Variants in SHOX2 observed in about 807,000 individuals in gnomAD.
SHOX2 encodes short stature homeobox protein 2.
SHOX2 carries 13 observed loss-of-function variants against 31.3 expected under a neutral mutation model. The ratio of observed to expected loss-of-function variants is 0.42; its 90% confidence interval spans 0.27 to 0.66. SHOX2 has a LOEUF of 0.66. Ranked by LOEUF, SHOX2 falls within the 30% of genes least tolerant of loss-of-function variation. The probability of loss-of-function intolerance (pLI) is 0.27; values close to 1 mark genes in which losing one functional copy is unlikely to be tolerated. For synonymous variants in SHOX2, 244 were observed against 196.2 expected, an observed-to-expected ratio of 1.24 and a Z score of -2.04; for missense variants, 473 against 443.0, an observed-to-expected ratio of 1.07 and a Z score of -0.61.
Position 158,106,256 on chromosome 3 carries a change from G to T in SHOX2, c.-232C>A. On this transcript the variant is annotated 5_prime_UTR_variant, in exon 1 of 5. Transcript: ENST00000483851. ...AAGAAGAGGAGGAGGAGGAAGAAGAGGAAGAGGGGGAGAAGGGTGAAGAGG... is the reference window on the plus strand; with the variant it reads ...AAGAAGAGGAGGAGGAGGAAGAAGATGAAGAGGGGGAGAAGGGTGAAGAGG... 1 of 602,932 alleles carries T rather than the reference G, an allele frequency of 1.7e-6. No individual in the cohort carries two copies. Among genetic ancestry groups the T allele is most frequent in the Non-Finnish European group, 2.7e-6 (1 of 370,090 alleles). 37.3% of individuals were successfully genotyped at this position (602,932 alleles called of 1,614,324 possible). A position where few individuals can be genotyped will look rare whatever the true frequency, so the allele number is the denominator to read the frequency against.
chr3:158,097,971 A>G lies in SHOX2; in HGVS notation c.*56T>C, dbSNP rs1713228589. On this transcript the variant is annotated 3_prime_UTR_variant, in exon 5 of 5. Coordinates refer to ENST00000483851, the MANE Select transcript of SHOX2 (RefSeq NM_001163678.2). Reference sequence around the variant, plus strand: ...GTAACGGAGAAGCAGCGGGGCGCGGAGGGCGTGCAGGCTGAGTGCCGCGGG... The same window carrying G: ...GTAACGGAGAAGCAGCGGGGCGCGGGGGGCGTGCAGGCTGAGTGCCGCGGG... 2 of 1,536,340 alleles carry G rather than the reference A, an allele frequency of 1.3e-6. No homozygotes were observed. The highest frequency in any genetic ancestry group is 1.8e-6 in the Non-Finnish European group (2 of 1,142,436).
chr3:158,099,336 C>A (rs1402624823), intron 4 of SHOX2, among the ~76,000 whole-genome samples: 1 of 152,150 alleles, frequency 6.6e-6, no homozygotes, highest in African/African-American at 2.4e-5. Flanking sequence ...CTGGGAAGAC[C>A]AAGACTTCTC....
intron 1 of SHOX2, chr3:158,105,343 A>C: frequency 1.7e-6 from 1 of 587,002 alleles, no homozygotes; most frequent in East Asian, 2.9e-5. Context: ...GGCCCCGCGA[A>C]CTTCCACGTC....
At chr3:158,105,023 T>TCCCCACC in intron 1 of SHOX2, 1 of 204,908 alleles carries the variant, frequency 4.9e-6, no homozygotes, top group Non-Finnish European at 9.0e-6. Context: ...GATCCCCACC[T>TCCCCACC]CCCCCGCCGC....
chr3:158,101,184 T>G (rs1713464435), intron 2 of SHOX2, among the ~76,000 whole-genome samples: 1 of 152,252 alleles, frequency 6.6e-6, no homozygotes. Flanking sequence ...GCATATTGAT[T>G]GACTCACAAA....
Position 158,105,673 on chromosome 3 carries a change from C to A in SHOX2, c.346+6G>T. ...AACCGCTGCCGGGGGTCAGTCAGGTCGTTACCCTCCGTCAGTCGCGGGCTG... is the reference window on the plus strand; with the variant it reads ...AACCGCTGCCGGGGGTCAGTCAGGTAGTTACCCTCCGTCAGTCGCGGGCTG... On this transcript the variant is annotated splice_donor_region_variant and intron_variant, in intron 1 of 4. Transcript: ENST00000483851. 1 of 1,522,560 alleles carries A rather than the reference C, an allele frequency of 6.6e-7. No individual in the cohort carries two copies. The highest frequency in any genetic ancestry group is 8.8e-7 in the Non-Finnish European group (1 of 1,137,126). 94.3% of individuals were successfully genotyped at this position (1,522,560 alleles called of 1,614,324 possible).
In SHOX2 at chr3:158,100,328, G is replaced by GA. The variant is rs765995174; in HGVS notation, c.556-18dup. On this transcript the variant is annotated splice_polypyrimidine_tract_variant and intron_variant, in intron 2 of 4. Coordinates refer to ENST00000483851, the MANE Select transcript of SHOX2 (RefSeq NM_001163678.2). ...AAACCAAACCTATAGGTTGGAGGGG[G>GA]AAAAAAAATAAAACCTAGATGTTAT... The GA allele has an allele frequency of 2.0e-5, 32 of 1,563,630 alleles. No individual in the cohort carries two copies. Among genetic ancestry groups the GA allele is most frequent in the Admixed American group, 1.1e-4 (5 of 46,652 alleles).
chr3:158,097,744 T>C lies in SHOX2; in HGVS notation c.*283A>G. On this transcript the variant is annotated 3_prime_UTR_variant, in exon 5 of 5. Coordinates refer to ENST00000483851, the MANE Select transcript of SHOX2 (RefSeq NM_001163678.2). ...TTCCAGCACTCCCCTGTCCAGTCTC[T>C]CTCCAGACTCCCCCAAACCCGCTCC... 2.2e-6 allele frequency: 1 copy of C among 459,496 alleles called. No homozygotes were observed. The highest frequency in any genetic ancestry group is 3.9e-6 in the Non-Finnish European group (1 of 256,704). The allele number at this position is 459,496 out of a possible 1,614,324, so 28.5% of individuals were successfully genotyped here.
intron 2 of SHOX2, among the ~76,000 whole-genome samples, chr3:158,101,389 T>C (rs1713479954): frequency 1.3e-5 from 2 of 152,228 alleles, no homozygotes; most frequent in Admixed American, 6.5e-5. Context: ...TGCCTTTTTT[T>C]CCCCTAGAAG....
chr3:158,105,814 C>T lies in SHOX2; in HGVS notation c.211G>A (p.Gly71Ser), dbSNP rs925657091. Reference protein sequence around the residue: ...GGGGGGGGGGGGGGGGGVGGG... With the variant: ...GGGGGGGGGGSGGGGGGVGGG... ...CCTACACCTCCTCCGCCTCCTCCGCCGCCGCCTCCGCCTCCTCCGCCGCCG... is the reference window on the plus strand; with the variant it reads ...CCTACACCTCCTCCGCCTCCTCCGCTGCCGCCTCCGCCTCCTCCGCCGCCG... The change falls in exon 1 of 5, where the codon GGC (glycine) becomes AGC (serine). Residue 71 changes from glycine to serine, a missense_variant. This residue lies in a region of SHOX2 where 276 missense variants were observed against 230.0 expected (regional missense o/e 1.20). Coordinates refer to ENST00000483851, the MANE Select transcript of SHOX2 (RefSeq NM_001163678.2). 6.8e-7 allele frequency: 1 copy of T among 1,460,806 alleles called. No homozygotes were observed. Among genetic ancestry groups the T allele is most frequent in the South Asian group, 1.3e-5 (1 of 75,446 alleles). 90.5% of individuals were successfully genotyped at this position (1,460,806 alleles called of 1,614,324 possible).
At chr3:158,105,097 C>T (rs1428664489) in intron 1 of SHOX2, 19 of 1,485,788 alleles carry the variant, frequency 1.3e-5, no homozygotes, top group East Asian at 2.8e-5. Context: ...AGCAGCGTAG[C>T]CTGGACCTCA....
intron 4 of SHOX2, among the ~76,000 whole-genome samples, chr3:158,099,620 C>T (rs959091445): frequency 1.3e-5 from 2 of 152,180 alleles, no homozygotes; most frequent in Non-Finnish European, 2.9e-5. Flanking sequence ...TTTTAAAGGA[C>T]CAGTTACTGC....
Position 158,102,850 on chromosome 3 carries a change from T to C in SHOX2, c.383A>G (p.Lys128Arg). Residue 128 changes from lysine (K) to arginine (R), a missense_variant, in exon 2 of 5, where the codon AAA (lysine) becomes AGA (arginine). Transcript: ENST00000483851. ...PELKDRKEDA[K>R]GMEDEGQTKI... ...GGTCTGGCCTTCGTCCTCCATCCCT[T>C]TCGCATCCTCTTTGCGATCTTTCAG... 6.2e-7 allele frequency: 1 copy of C among 1,613,972 alleles called. No individual in the cohort carries two copies. Among genetic ancestry groups the C allele is most frequent in the African/African-American group, 1.3e-5 (1 of 74,954 alleles).
At chr3:158,105,545 C>T in intron 1 of SHOX2, 134 bp downstream of exon 1, 1 of 767,968 alleles carries the variant, frequency 1.3e-6, no homozygotes. Context: ...ATCACTCTAG[C>T]TGACAAAGCT....
Position 158,097,826 on chromosome 3 carries a change from G to T in SHOX2, c.*201C>A. The T allele has an allele frequency of 2.9e-6, 2 of 699,278 alleles. No homozygotes were observed. The highest frequency in any genetic ancestry group is 4.8e-6 in the Non-Finnish European group (2 of 420,376). The allele number at this position is 699,278 out of a possible 1,614,324, so 43.3% of individuals were successfully genotyped here. On this transcript the variant is annotated 3_prime_UTR_variant, in exon 5 of 5. Transcript: ENST00000483851. ...AAAACGGGCAGGAGCCACGGAGCCT[G>T]CGTGCCTCGTGAGATCCCTGGTCCT... is the stretch of plus-strand genomic sequence containing the variant.
chr3:158,099,276 T>C (rs2108122470), intron 4 of SHOX2, among the ~76,000 whole-genome samples: 1 of 152,380 alleles, frequency 6.6e-6, no homozygotes, highest in East Asian at 1.9e-4. Context: ...TTTTAAAATG[T>C]ACTCTTAAAG....
rs1278975302 is a variant in SHOX2 at position 158,096,685 on chromosome 3, G to A, written c.*1342C>T. 1 of 152,116 alleles carries A rather than the reference G, an allele frequency of 6.6e-6. No individual in the cohort carries two copies. Among genetic ancestry groups the A allele is most frequent in the African/African-American group, 2.4e-5 (1 of 41,282 alleles). The allele number at this position is 152,116 out of a possible 1,614,324, so 9.4% of individuals were successfully genotyped here. A position where few individuals can be genotyped will look rare whatever the true frequency, so the allele number is the denominator to read the frequency against. ...CCAACAAGAAGGAACACAAGAAAAG[G>A]GGAATGGTGGGAACTAATACTGATT... On this transcript the variant is annotated 3_prime_UTR_variant, in exon 5 of 5. Coordinates refer to ENST00000483851, the MANE Select transcript of SHOX2 (RefSeq NM_001163678.2).
At chr3:158,100,082 A>G in intron 3 of SHOX2, 134 bp from the exon 4 acceptor site, 1 of 931,786 alleles carries the variant, frequency 1.1e-6, no homozygotes, top group Non-Finnish European at 1.6e-6. Flanking sequence ...CAAAATTTAA[A>G]TAAATGTAAC....
At position 158,096,924 on chromosome 3, in the gene SHOX2, A is replaced by ATATATATATATATATC. The variant is rs1466365906; in HGVS notation, c.*1102_*1103insGATATATATATATATA. Reference sequence around the variant, plus strand: ...TATATATATATATATATATATATATATATATATGGCAAATATATGATATAT... The same window carrying ATATATATATATATATC: ...TATATATATATATATATATATATATATATATATATATATATCTATATATGGCAAATATATGATATAT... On this transcript the variant is annotated 3_prime_UTR_variant, in exon 5 of 5. Transcript: ENST00000483851. The ATATATATATATATATC allele has an allele frequency of 7.9e-6, 1 of 126,232 alleles. No individual in the cohort carries two copies. The highest frequency in any genetic ancestry group is 2.5e-4 in the East Asian group (1 of 3,968). The allele number at this position is 126,232 out of a possible 1,614,324, so 7.8% of individuals were successfully genotyped here.
Sources: allele counts gnomAD v4.1 joint callset (sites outside exome capture counted in the v4.1 genomes callset), GRCh38; gene constraint gnomAD v4.1.1; regional missense constraint gnomAD v4.1.1; transcripts MANE v1.5; gene names NCBI Gene and HGNC (gene_info 2026-07-23, HGNC 2026-07-21).